The following DLGAP2 variants were observed in gnomAD, a reference collection of about 807,000 sequenced individuals.
The protein encoded by DLGAP2 is disks large-associated protein 2.
DLGAP2 carries 26 observed loss-of-function variants against 100.3 expected under a neutral mutation model. The observed-to-expected ratio is 0.26, with a 90% confidence interval of 0.19 to 0.36. The LOEUF (loss-of-function observed/expected upper bound fraction) is 0.36. Ranked by LOEUF, DLGAP2 falls within the 10% of genes least tolerant of loss-of-function variation. DLGAP2 has a pLI of 1.00. For missense variants in DLGAP2, 1,858 were observed against 1,453.2 expected (o/e 1.28, Z -4.53); for synonymous variants, 886 against 630.1 (o/e 1.41, Z -6.08).
At chr8:1,343,267 C>T (rs1281362663) in intron 3 of DLGAP2, among the ~76,000 whole-genome samples, 1 of 152,202 alleles carries the variant, frequency 6.6e-6, no homozygotes, top group Non-Finnish European at 1.5e-5. Flanking sequence ...GGGCTCAGGA[C>T]AGACCAGGCC....
At chr8:1,520,100 C>T (rs947660816) in intron 4 of DLGAP2, among the ~76,000 whole-genome samples, 1 of 152,218 alleles carries the variant, frequency 6.6e-6, no homozygotes, top group Admixed American at 6.5e-5. Flanking sequence ...CACGCTGTCC[C>T]CATCTCTGCT....
chr8:1,359,860 C>A (rs12541553), intron 3 of DLGAP2, among the ~76,000 whole-genome samples: 87,678 of 152,130 alleles, frequency 0.58, 25,763 homozygotes, highest in East Asian at 0.93. Flanking sequence ...GATGAAGATA[C>A]AGTGTTTTTC....
intron 3 of DLGAP2, among the ~76,000 whole-genome samples, chr8:1,426,603 C>T (rs544275092): frequency 6.6e-6 from 1 of 152,266 alleles, no homozygotes; most frequent in African/African-American, 2.4e-5. Context: ...CCAACCTGGA[C>T]AGATGATGTG....
At chr8:1,322,883 A>G (rs762143744) in intron 3 of DLGAP2, among the ~76,000 whole-genome samples, 4 of 152,322 alleles carry the variant, frequency 2.6e-5, no homozygotes, top group East Asian at 1.9e-4. Flanking sequence ...CATAATTATT[A>G]TAATCATTGT....
intron 1 of DLGAP2, among the ~76,000 whole-genome samples, chr8:810,354 T>C (rs1362159999): frequency 6.6e-6 from 1 of 152,180 alleles, no homozygotes; most frequent in African/African-American, 2.4e-5. Context: ...TTAAGGAAAA[T>C]ATAGGGTAGT....
intron 3 of DLGAP2, chr8:1,302,193 G>A (rs570662309): frequency 6.6e-6 from 1 of 151,888 alleles, no homozygotes; most frequent in South Asian, 2.1e-4. Context: ...ACCTGGGACC[G>A]GACTCGGAAT....
intron 3 of DLGAP2, among the ~76,000 whole-genome samples, chr8:1,360,951 C>G (rs552337542): frequency 6.6e-6 from 1 of 152,302 alleles, no homozygotes; most frequent in East Asian, 1.9e-4. Flanking sequence ...AGCACAGTGC[C>G]GAGTGTCTAA....
chr8:1,123,426 GT>G (rs1223168392), intron 2 of DLGAP2, among the ~76,000 whole-genome samples: 1 of 152,190 alleles, frequency 6.6e-6, no homozygotes, highest in African/African-American at 2.4e-5. Context: ...GACCTAGTGA[GT>G]CCATGCCCAT....
chr8:1,387,380 G>C (rs919908652), intron 3 of DLGAP2, among the ~76,000 whole-genome samples: 2 of 152,012 alleles, frequency 1.3e-5, no homozygotes, highest in Admixed American at 6.6e-5. Flanking sequence ...TAGAAACCCT[G>C]AATTGGGCAG....
intron 8 of DLGAP2, among the ~76,000 whole-genome samples, chr8:1,657,438 A>G (rs533906535): frequency 7.9e-5 from 12 of 152,330 alleles, no homozygotes; most frequent in Admixed American, 6.5e-4. Flanking sequence ...CACCCACACC[A>G]TCCAACTGAA....
chr8:1,361,713 C>T (rs371117268), intron 3 of DLGAP2, among the ~76,000 whole-genome samples: 1 of 152,228 alleles, frequency 6.6e-6, no homozygotes, highest in African/African-American at 2.4e-5. Flanking sequence ...AGGCCCTACA[C>T]GGTAACTGAG....
chr8:1,654,967 A>T (rs930168911), intron 8 of DLGAP2, among the ~76,000 whole-genome samples: 4 of 152,202 alleles, frequency 2.6e-5, no homozygotes, highest in African/African-American at 9.6e-5. Context: ...GTGTGATGTG[A>T]TGTTCAAACC....
intron 2 of DLGAP2, among the ~76,000 whole-genome samples, chr8:1,118,854 C>T (rs1228165950): frequency 6.6e-6 from 1 of 152,168 alleles, no homozygotes; most frequent in Non-Finnish European, 1.5e-5. Context: ...TAATTTGTTT[C>T]CTCGAAATGA....
At chr8:1,175,618 A>G (rs1797235966) in intron 2 of DLGAP2, among the ~76,000 whole-genome samples, 1 of 152,120 alleles carries the variant, frequency 6.6e-6, no homozygotes. Flanking sequence ...GTCTCTGAGA[A>G]ATTTGGAGGG....
At chr8:877,598 G>A (rs377542541) in intron 1 of DLGAP2, among the ~76,000 whole-genome samples, 49 of 152,314 alleles carry the variant, frequency 3.2e-4, no homozygotes, top group African/African-American at 1.1e-3. Flanking sequence ...ATAGTTTGAG[G>A]TTCCTGTTTG....
At chr8:815,191 G>A (rs557825332) in intron 1 of DLGAP2, among the ~76,000 whole-genome samples, 114 of 152,266 alleles carry the variant, frequency 7.5e-4, no homozygotes, top group South Asian at 3.9e-3. Context: ...TGGAGGCCAC[G>A]AGTCCAAAGT....
rs1287188830 is a variant in DLGAP2, at chr8:1,202,127, GTC to G, written c.74-56722_74-56721del. ...GTGTACAGCATCTGTGTATCTGTGT[GTC>G]TGTTGTGTGTGTATACACATGTGGT... On this transcript the variant is annotated intron_variant, in intron 2 of 14. Transcript: ENST00000637795. 6.3e-3 allele frequency among the ~76,000 whole-genome samples: 954 copies of G among 150,582 alleles called. 9 individuals carry two copies. The highest frequency in any genetic ancestry group is 0.023 in the African/African-American group (905 of 40,018).
intron 3 of DLGAP2, among the ~76,000 whole-genome samples, chr8:1,268,785 C>T (rs2116925328): frequency 6.6e-6 from 1 of 152,336 alleles, no homozygotes; most frequent in African/African-American, 2.4e-5. Context: ...CCTCATGTTG[C>T]ACACTGGGAA....
Position 1,511,614 on chromosome 8 carries a change from C to T in DLGAP2, c.172+10183C>T, listed in dbSNP as rs149875352. Among the ~76,000 whole-genome samples the T allele has an allele frequency of 1.3e-3, 196 of 151,654 alleles. 2 individuals are homozygous for T. The highest frequency in any genetic ancestry group is 4.5e-3 in the African/African-American group (184 of 41,150). ...TGACCATCTTCCATGGACGTAAGGT[C>T]TGTCTAGTGTAGGACAATCAGTAGA... On this transcript the variant is annotated intron_variant, in intron 4 of 14. Coordinates refer to ENST00000637795, the MANE Select transcript of DLGAP2 (RefSeq NM_001346810.2).
Sources: allele counts gnomAD v4.1 joint callset (sites outside exome capture counted in the v4.1 genomes callset), GRCh38; gene constraint gnomAD v4.1.1; transcripts MANE v1.5; gene names NCBI Gene and HGNC (gene_info 2026-07-23, HGNC 2026-07-21).